Variants in OTUD7A observed in about 807,000 individuals in gnomAD.
OTUD7A encodes the protein OTU domain-containing protein 7A.
In OTUD7A, 12 loss-of-function variants were observed where a neutral mutation model predicts 65.7. The observed-to-expected ratio is 0.18, with a 90% CI of 0.12 to 0.30. The LOEUF (loss-of-function observed/expected upper bound fraction) is 0.30, where lower values mean the gene tolerates loss of function less well. Ranked by LOEUF, OTUD7A falls within the 10% of genes least tolerant of loss-of-function variation. The pLI, the probability that OTUD7A is intolerant of heterozygous loss-of-function variation, is 1.00. For missense variants in OTUD7A, 1,148 were observed against 1,304.8 expected (o/e 0.88, Z 1.85); for synonymous variants, 641 against 586.3 (o/e 1.09, Z -1.35).
rs936794632 is a variant in OTUD7A at position 31,483,381 on chromosome 15, G to A, written c.2715C>T (p.Tyr905=). 19 of 1,319,722 alleles carry A rather than the reference G, an allele frequency of 1.4e-5. 1 individual carries two copies. The highest frequency in any genetic ancestry group is 2.9e-4 in the Middle Eastern group (1 of 3,506). 81.8% of individuals were successfully genotyped at this position (1,319,722 alleles called of 1,614,324 possible). ...AGTAGTGCTCGGTCTCGGCGCGCCC[G>A]TAGAACGCACAGTTCTCGCGCTGGC... ...RRCQRENCAF[Y]GRAETEHYCS... is the part of the protein sequence containing the mutation. Residue 905 remains tyrosine (Y), a synonymous_variant, in exon 13 of 13, where the codon TAC becomes TAT. Coordinates refer to ENST00000307050, the MANE Select transcript of OTUD7A (RefSeq NM_001382637.1).
intron 5 of OTUD7A, among the ~76,000 whole-genome samples, chr15:31,549,632 G>C (rs1385111313): frequency 2.6e-5 from 4 of 152,216 alleles, no homozygotes; most frequent in Admixed American, 2.0e-4. Context: ...GAAAAGGAAA[G>C]TCAGAGAGAT....
At chr15:31,869,685 G>A (rs1176351073) in intron 1 of OTUD7A, among the ~76,000 whole-genome samples, 1 of 152,310 alleles carries the variant, frequency 6.6e-6, no homozygotes, top group East Asian at 1.9e-4. Context: ...TTGCACTTGT[G>A]TGAGGTAGCT....
rs373155768 is a variant in OTUD7A at position 31,627,143 on chromosome 15, GGTTT to G, written c.151+27949_151+27952del. Among the ~76,000 whole-genome samples the G allele has an allele frequency of 1.9e-3, 286 of 151,896 alleles. 8 individuals carry two copies. The South Asian group carries it at 0.058, about 31-fold the overall frequency. The stretch of plus-strand genomic sequence containing the variant: ...TTAGGGTACATGTGCACAATGTGCA[GGTTT>G]GTTACACATGTATGCATGTGCCATG... On this transcript the variant is annotated intron_variant, in intron 3 of 12. Coordinates refer to ENST00000307050, the MANE Select transcript of OTUD7A (RefSeq NM_001382637.1).
intron 1 of OTUD7A, among the ~76,000 whole-genome samples, chr15:31,694,838 C>T (rs538529564): frequency 6.6e-5 from 10 of 151,300 alleles, no homozygotes; most frequent in South Asian, 6.2e-4. Context: ...ATTTATACCA[C>T]GTTTTACATT....
chr15:31,510,817 T>C (rs1257802947), intron 8 of OTUD7A, among the ~76,000 whole-genome samples: 1 of 40,324 alleles, frequency 2.5e-5, no homozygotes, highest in Non-Finnish European at 4.7e-5. Context: ...CATACATATG[T>C]ATATCTATAT....
chr15:31,561,881 C>T (rs576727594), intron 4 of OTUD7A, among the ~76,000 whole-genome samples: 65 of 152,010 alleles, frequency 4.3e-4, no homozygotes, highest in Middle Eastern at 3.4e-3. Flanking sequence ...CAGGAATTAC[C>T]ATGATCAAAG....
chr15:31,501,647 C>G (rs372203768), intron 10 of OTUD7A, 43 bp downstream of exon 10: 28 of 1,612,974 alleles, frequency 1.7e-5, no homozygotes, highest in Middle Eastern at 3.3e-4. Flanking sequence ...GCTCTGCCCC[C>G]ACCCTAGGCT....
chr15:31,696,142 T>G, intron 1 of OTUD7A, among the ~76,000 whole-genome samples: 2 of 147,622 alleles, frequency 1.4e-5, no homozygotes, highest in African/African-American at 2.4e-5. Flanking sequence ...GGGCACAGGG[T>G]TGAGGGGGGC....
At chr15:31,749,344 A>T (rs1236008469) in intron 1 of OTUD7A, among the ~76,000 whole-genome samples, 2 of 152,210 alleles carry the variant, frequency 1.3e-5, no homozygotes, top group Non-Finnish European at 2.9e-5. Context: ...GAGCTCTCGT[A>T]CACTGCTGGT....
At chr15:31,513,165 C>G (rs1286440756) in intron 8 of OTUD7A, among the ~76,000 whole-genome samples, 2 of 152,258 alleles carry the variant, frequency 1.3e-5, no homozygotes, top group Non-Finnish European at 2.9e-5. Flanking sequence ...GCCACCACAT[C>G]CAACCCAATT....
chr15:31,694,176 C>T (rs1159114954), intron 1 of OTUD7A, among the ~76,000 whole-genome samples: 1 of 152,162 alleles, frequency 6.6e-6, no homozygotes, highest in Non-Finnish European at 1.5e-5. Flanking sequence ...CCTCACAGAG[C>T]CAGTGGAGGG....
At chr15:31,753,709 T>TGTGATATATAACCTGTG (rs1894718700) in intron 1 of OTUD7A, among the ~76,000 whole-genome samples, 4 of 112,512 alleles carry the variant, frequency 3.6e-5, no homozygotes, top group African/African-American at 1.9e-4. Context: ...ATATTATATA[T>TGTGATATATAACCTGTG]ATATATATAT....
intron 1 of OTUD7A, among the ~76,000 whole-genome samples, chr15:31,797,514 C>A (rs1327434034): frequency 6.6e-6 from 1 of 152,194 alleles, no homozygotes; most frequent in East Asian, 1.9e-4. Context: ...TCTTTTCCCC[C>A]AGAGGACAAG....
At chr15:31,753,353 C>T (rs964639455) in intron 1 of OTUD7A, among the ~76,000 whole-genome samples, 3 of 151,858 alleles carry the variant, frequency 2.0e-5, no homozygotes, top group East Asian at 1.9e-4. Flanking sequence ...TTTGGTTACA[C>T]GAGTAAGTTC....
intron 1 of OTUD7A, chr15:31,765,691 A>T (rs1895077383): frequency 1.2e-6 from 1 of 848,194 alleles, no homozygotes; most frequent in Admixed American, 2.8e-5. Context: ...ACATTCTCAG[A>T]TATGGCTTCA....
At chr15:31,683,565 G>A (rs927288260) in intron 1 of OTUD7A, among the ~76,000 whole-genome samples, 1 of 152,000 alleles carries the variant, frequency 6.6e-6, no homozygotes, top group Non-Finnish European at 1.5e-5. Context: ...TGGTTGTGGT[G>A]GTGATTACAT....
At chr15:31,808,131 ACAC>A in intron 1 of OTUD7A, among the ~76,000 whole-genome samples, 2 of 115,598 alleles carry the variant, frequency 1.7e-5, no homozygotes, top group African/African-American at 5.7e-5. Flanking sequence ...ACACACACAC[ACAC>A]ACAAACAAAT....
intron 6 of OTUD7A, among the ~76,000 whole-genome samples, chr15:31,528,340 G>C (rs548177832): frequency 2.0e-5 from 3 of 152,352 alleles, no homozygotes; most frequent in Admixed American, 6.5e-5. Context: ...AGACCCAGAG[G>C]GGGCAGTACT....
intron 1 of OTUD7A, among the ~76,000 whole-genome samples, chr15:31,760,480 T>C (rs1389125527): frequency 6.6e-6 from 1 of 152,234 alleles, no homozygotes; most frequent in Non-Finnish European, 1.5e-5. Context: ...TAAAGATACT[T>C]TCACTGGAAT....
Sources: gnomAD v4.1 joint callset for allele counts (sites outside exome capture counted in the v4.1 genomes callset) on GRCh38, gnomAD v4.1.1 for gene constraint, MANE v1.5 for transcripts, NCBI Gene and HGNC (gene_info 2026-07-23, HGNC 2026-07-21) for gene names.